Variants in SUMF1 observed in about 807,000 individuals in gnomAD.
SUMF1 encodes formylglycine-generating enzyme.
Under a neutral mutation model 47.6 loss-of-function variants are expected in SUMF1, and 48 were observed. The observed-to-expected ratio is 1.01, with a 90% CI of 0.80 to 1.28. The LOEUF is 1.28. SUMF1 is among the 50% of genes most tolerant of loss of function. The probability of loss-of-function intolerance (pLI) is 0.00; values close to 1 mark genes in which losing one functional copy is unlikely to be tolerated. For missense variants in SUMF1, 571 were observed against 485.4 expected (o/e 1.18, Z -1.66); for synonymous variants, 230 against 192.1 (o/e 1.20, Z -1.63).
chr3:4,181,001 T>TG (rs1254213643), intron 8 of SUMF1, among the ~76,000 whole-genome samples: 1 of 152,166 alleles, frequency 6.6e-6, no homozygotes, highest in Non-Finnish European at 1.5e-5. Context: ...TGGTTAACTC[T>TG]GGGGGTTAGT....
At chr3:4,127,691 T>C (rs142596383) in intron 8 of SUMF1, among the ~76,000 whole-genome samples, 2,781 of 152,184 alleles carry the variant, frequency 0.018, 38 homozygotes, top group Non-Finnish European at 0.022. Flanking sequence ...GTATAAATAT[T>C]ATATATATTC....
chr3:4,317,511 T>C (rs1383332524), intron 8 of SUMF1: 1 of 278,978 alleles, frequency 3.6e-6, no homozygotes. Context: ...AGTGAGACCC[T>C]GACTCTAATA....
intron 8 of SUMF1, among the ~76,000 whole-genome samples, chr3:4,349,720 AAACT>A (rs1699447069): frequency 6.6e-6 from 1 of 152,220 alleles, no homozygotes; most frequent in African/African-American, 2.4e-5. Flanking sequence ...TATCCTCAGC[AAACT>A]AACATAGGAA....
intron 8 of SUMF1, among the ~76,000 whole-genome samples, chr3:4,350,002 CTT>C (rs766765804): frequency 1.4e-5 from 2 of 139,108 alleles, no homozygotes; most frequent in Non-Finnish European, 1.6e-5. Flanking sequence ...GTATTATTTT[CTT>C]TTTTTTTTTT....
chr3:4,253,111 G>A (rs1696845207), intron 8 of SUMF1, among the ~76,000 whole-genome samples: 1 of 152,118 alleles, frequency 6.6e-6, no homozygotes, highest in Admixed American at 6.5e-5. Flanking sequence ...AAGAAAAAAG[G>A]CACTGTGAAA....
chr3:4,294,183 G>A (rs1697797130), intron 8 of SUMF1, among the ~76,000 whole-genome samples: 1 of 152,146 alleles, frequency 6.6e-6, no homozygotes, highest in Admixed American at 6.5e-5. Flanking sequence ...GGAATGTGCT[G>A]TCCATAGCTA....
chr3:4,039,844 G>A (rs1311554087), intron 9 of SUMF1, among the ~76,000 whole-genome samples: 3 of 151,942 alleles, frequency 2.0e-5, no homozygotes, highest in Non-Finnish European at 4.4e-5. Flanking sequence ...AATACAGTGA[G>A]ACCTAGTTTC....
intron 8 of SUMF1, among the ~76,000 whole-genome samples, chr3:4,337,704 C>G (rs995901881): frequency 2.0e-4 from 31 of 152,228 alleles, no homozygotes; most frequent in African/African-American, 7.5e-4. Flanking sequence ...TCAAACAAAT[C>G]TAAAACCCAT....
intron 8 of SUMF1, among the ~76,000 whole-genome samples, chr3:4,202,767 T>C (rs370904129): frequency 1.1e-4 from 17 of 151,898 alleles, no homozygotes; most frequent in African/African-American, 3.4e-4. Flanking sequence ...AGTTTTGGTA[T>C]GTTGTATTTC....
chr3:4,040,952 T>A (rs1167519173), intron 9 of SUMF1, among the ~76,000 whole-genome samples: 1 of 152,200 alleles, frequency 6.6e-6, no homozygotes, highest in Non-Finnish European at 1.5e-5. Flanking sequence ...GACTCATTTA[T>A]TCAGTTTTCA....
At chr3:4,449,037 A>C (rs1702878335) in intron 3 of SUMF1, among the ~76,000 whole-genome samples, 1 of 152,214 alleles carries the variant, frequency 6.6e-6, no homozygotes, top group Non-Finnish European at 1.5e-5. Flanking sequence ...TTGGCACACA[A>C]GACAGAAACT....
At chr3:4,251,492 G>T (rs924588003) in intron 8 of SUMF1, among the ~76,000 whole-genome samples, 1 of 152,188 alleles carries the variant, frequency 6.6e-6, no homozygotes, top group Non-Finnish European at 1.5e-5. Flanking sequence ...AATTTTGAAA[G>T]AAGTTCTGTG....
intron 7 of SUMF1, among the ~76,000 whole-genome samples, chr3:4,401,743 A>G (rs1216450544): frequency 2.6e-5 from 4 of 152,204 alleles, no homozygotes; most frequent in African/African-American, 7.2e-5. Flanking sequence ...GAGAATGACA[A>G]ATAACCACAC....
intron 8 of SUMF1, among the ~76,000 whole-genome samples, chr3:4,105,176 A>G (rs918035899): frequency 6.6e-6 from 1 of 152,124 alleles, no homozygotes; most frequent in African/African-American, 2.4e-5. Context: ...GGAATCTAAA[A>G]CAGTCGAACT....
At chr3:4,136,145 C>CA (rs1284543295) in intron 8 of SUMF1, among the ~76,000 whole-genome samples, 2 of 151,988 alleles carry the variant, frequency 1.3e-5, no homozygotes, top group Non-Finnish European at 2.9e-5. Context: ...CATACGGAAC[C>CA]AAAAAAGAGC....
At chr3:4,165,860 TTTCCCC>T (rs1694690598) in intron 8 of SUMF1, among the ~76,000 whole-genome samples, 1 of 33,116 alleles carries the variant, frequency 3.0e-5, no homozygotes, top group African/African-American at 1.0e-4. Flanking sequence ...GATTTGTTTG[TTTCCCC>T]CCCCCCCCCG....
chr3:4,400,430 A>T (rs1190153733), intron 7 of SUMF1, among the ~76,000 whole-genome samples: 1 of 152,240 alleles, frequency 6.6e-6, no homozygotes, highest in Non-Finnish European at 1.5e-5. Context: ...CTGAGATTCA[A>T]ATTCTCTGGA....
intron 8 of SUMF1, among the ~76,000 whole-genome samples, chr3:4,297,559 C>T (rs1251801201): frequency 1.4e-5 from 2 of 139,128 alleles, no homozygotes; most frequent in African/African-American, 5.5e-5. Context: ...AGCCACTACA[C>T]CTGAATTTTT....
intron 8 of SUMF1, among the ~76,000 whole-genome samples, chr3:4,338,191 C>T (rs1699194214): frequency 6.6e-6 from 1 of 152,018 alleles, no homozygotes; most frequent in Admixed American, 6.6e-5. Context: ...TGGCTTGAGC[C>T]CAGTCTCTGG....
Sources: allele counts gnomAD v4.1 joint callset (sites outside exome capture counted in the v4.1 genomes callset), GRCh38; gene constraint gnomAD v4.1.1; transcripts MANE v1.5; gene names NCBI Gene and HGNC (gene_info 2026-07-23, HGNC 2026-07-21).